Variants in ADAM12 observed in about 807,000 individuals in gnomAD.
The protein encoded by ADAM12 is disintegrin and metalloproteinase domain-containing protein 12.
In ADAM12, 70 loss-of-function variants were observed where a neutral mutation model predicts 106.4. The ratio of observed to expected loss-of-function variants is 0.66; its 90% CI spans 0.54 to 0.80. The LOEUF (loss-of-function observed/expected upper bound fraction) is 0.80. ADAM12 is among the 30% of genes least tolerant of loss of function. ADAM12 has a pLI of 0.00. For missense variants in ADAM12, 1,010 were observed against 1,171.9 expected, an observed-to-expected ratio of 0.86 and a Z score of 2.02; for synonymous variants, 420 against 433.5, an observed-to-expected ratio of 0.97 and a Z score of 0.39.
intron 3 of ADAM12, among the ~76,000 whole-genome samples, chr10:126,188,426 A>G (rs1043532366): frequency 2.6e-5 from 4 of 152,082 alleles, no homozygotes; most frequent in Admixed American, 1.3e-4. Flanking sequence ...TTCTTTTCCA[A>G]CCTCACTGAG....
chr10:126,055,204 C>G (rs1954602984), intron 14 of ADAM12, among the ~76,000 whole-genome samples: 1 of 152,190 alleles, frequency 6.6e-6, no homozygotes, highest in Admixed American at 6.5e-5. Context: ...CCACGGCCCC[C>G]AAATCCCAGC....
At chr10:126,290,245 C>T (rs1401520397) in intron 2 of ADAM12, among the ~76,000 whole-genome samples, 2 of 152,170 alleles carry the variant, frequency 1.3e-5, no homozygotes, top group Admixed American at 6.5e-5. Flanking sequence ...TCCGCCAGTG[C>T]GTCAAGGAGC....
chr10:126,256,957 T>C (rs1278170952), intron 3 of ADAM12, among the ~76,000 whole-genome samples: 1 of 152,106 alleles, frequency 6.6e-6, no homozygotes, highest in African/African-American at 2.4e-5. Context: ...GGGACTTCTG[T>C]GGTTTTGCAG....
intron 8 of ADAM12, among the ~76,000 whole-genome samples, chr10:126,107,787 A>G (rs945493549): frequency 1.3e-5 from 2 of 152,180 alleles, no homozygotes; most frequent in African/African-American, 4.8e-5. Context: ...CCTTGAGGGC[A>G]GCAATGCTTT....
intron 2 of ADAM12, among the ~76,000 whole-genome samples, chr10:126,325,641 G>C (rs1854274388): frequency 6.6e-6 from 1 of 152,150 alleles, no homozygotes; most frequent in South Asian, 2.1e-4. Flanking sequence ...AAGGAAGCTG[G>C]AAATTGGACA....
At chr10:126,062,077 A>G (rs576726869) in intron 14 of ADAM12, among the ~76,000 whole-genome samples, 3 of 152,260 alleles carry the variant, frequency 2.0e-5, no homozygotes, top group Admixed American at 6.5e-5. Context: ...GGAAGTCTGT[A>G]TAATGATCTG....
chr10:126,165,751 A>C (rs1384437636), intron 3 of ADAM12, among the ~76,000 whole-genome samples: 4 of 152,100 alleles, frequency 2.6e-5, no homozygotes, highest in Admixed American at 1.3e-4. Flanking sequence ...TTTCTGAAAT[A>C]TTTTTTCCTC....
intron 3 of ADAM12, among the ~76,000 whole-genome samples, chr10:126,265,842 G>A (rs569738556): frequency 9.9e-5 from 15 of 152,284 alleles, no homozygotes; most frequent in African/African-American, 2.9e-4. Flanking sequence ...CACATACAAC[G>A]TGGGGACTGT....
chr10:126,165,214 C>A (rs1957003003), intron 3 of ADAM12, among the ~76,000 whole-genome samples: 1 of 152,118 alleles, frequency 6.6e-6, no homozygotes, highest in Non-Finnish European at 1.5e-5. Context: ...GTCACCCAGG[C>A]TGGAGTGCAG....
intron 1 of ADAM12, among the ~76,000 whole-genome samples, chr10:126,381,332 G>A (rs1292931859): frequency 6.6e-6 from 1 of 152,048 alleles, no homozygotes; most frequent in African/African-American, 2.4e-5. Flanking sequence ...TGCCATAAGG[G>A]AATAATTGTA....
At chr10:126,378,830 G>T (rs1005979238) in intron 1 of ADAM12, among the ~76,000 whole-genome samples, 1 of 151,954 alleles carries the variant, frequency 6.6e-6, no homozygotes, top group African/African-American at 2.4e-5. Context: ...TGAATGATGG[G>T]GCCAGATTTC....
intron 2 of ADAM12, among the ~76,000 whole-genome samples, chr10:126,309,701 C>G (rs917588908): frequency 6.6e-6 from 1 of 152,098 alleles, no homozygotes; most frequent in African/African-American, 2.4e-5. Flanking sequence ...AGCCACTAAG[C>G]TTTGGAGGAG....
At chr10:126,352,393 T>C (rs1214975213) in intron 1 of ADAM12, among the ~76,000 whole-genome samples, 1 of 152,242 alleles carries the variant, frequency 6.6e-6, no homozygotes, top group Admixed American at 6.5e-5. Flanking sequence ...TAAACAAATT[T>C]AAGCAAAATG....
chr10:126,122,866 T>C (rs764394026), intron 5 of ADAM12, among the ~76,000 whole-genome samples: 29 of 152,338 alleles, frequency 1.9e-4, no homozygotes, highest in Non-Finnish European at 3.2e-4. Flanking sequence ...TTGCAACATT[T>C]TCTATTTTAC....
intron 3 of ADAM12, among the ~76,000 whole-genome samples, chr10:126,163,529 G>T (rs1373536569): frequency 1.3e-5 from 2 of 152,158 alleles, no homozygotes; most frequent in Non-Finnish European, 2.9e-5. Context: ...AAACATGAAT[G>T]ACCTCCAAAT....
In ADAM12 at chr10:126,049,240, A is replaced by G; in HGVS notation, c.1917+13T>C. 6.2e-7 allele frequency: 1 copy of G among 1,613,804 alleles called. No individual in the cohort carries two copies. Among genetic ancestry groups the G allele is most frequent in the African/African-American group, 1.3e-5 (1 of 75,026 alleles). On this transcript the variant is annotated intron_variant, in intron 16 of 22. Coordinates refer to ENST00000448723, the MANE Select transcript of ADAM12 (RefSeq NM_001288973.2). This position sits in a 1 kb window ranked among gnomAD's most constrained non-coding sequence, Gnocchi z 4.4. ...ACTTACATTTATGATCCAAGCAAAC[A>G]TTTGGGTCTTACTTTTCCATCTGCA...
At chr10:126,163,322 T>G (rs1223878969) in intron 3 of ADAM12, among the ~76,000 whole-genome samples, 2 of 152,232 alleles carry the variant, frequency 1.3e-5, no homozygotes, top group Non-Finnish European at 2.9e-5. Context: ...TGGAGACACA[T>G]GGTGTCCACC....
intron 7 of ADAM12, 25 bp downstream of exon 7, chr10:126,109,750 C>T: frequency 6.2e-7 from 1 of 1,601,806 alleles, no homozygotes; most frequent in Non-Finnish European, 8.5e-7. Context: ...ACCAACCATA[C>T]TGAGAAATTT....
chr10:126,115,181 C>T (rs993941267), intron 6 of ADAM12, among the ~76,000 whole-genome samples: 5 of 152,292 alleles, frequency 3.3e-5, no homozygotes, highest in Middle Eastern at 3.4e-3. Flanking sequence ...CATAATTATC[C>T]ATACTAACGG....
Sources: gnomAD v4.1 joint callset for allele counts (sites outside exome capture counted in the v4.1 genomes callset) on GRCh38, gnomAD v4.1.1 for gene constraint, Gnocchi (gnomAD v3.1) non-coding constraint, MANE v1.5 for transcripts, NCBI Gene and HGNC (gene_info 2026-07-23, HGNC 2026-07-21) for gene names.